The following CWC27 variants were observed in gnomAD, a reference collection of about 807,000 sequenced individuals.
CWC27 encodes the protein spliceosome-associated protein CWC27 homolog.
A neutral mutation model predicts 63.6 loss-of-function variants in CWC27; 47 were observed. The ratio of observed to expected loss-of-function variants is 0.74; its 90% CI spans 0.58 to 0.94. The LOEUF is 0.94. Ranked by LOEUF, CWC27 falls within the 40% of genes least tolerant of loss-of-function variation. CWC27 has a pLI of 0.00. For synonymous variants in CWC27, 175 were observed against 179.8 expected (o/e 0.97, Z 0.22); for missense variants, 495 against 554.3 (o/e 0.89, Z 1.07).
chr5:65,017,124 A>G (rs1750061653), intron 13 of CWC27, among the ~76,000 whole-genome samples: 1 of 152,058 alleles, frequency 6.6e-6, no homozygotes, highest in Non-Finnish European at 1.5e-5. Flanking sequence ...GTTTGAGACC[A>G]GCCTGGCCAG....
chr5:64,984,932 A>G (rs1371055344), intron 13 of CWC27, among the ~76,000 whole-genome samples: 2 of 152,124 alleles, frequency 1.3e-5, no homozygotes, highest in South Asian at 2.1e-4. Flanking sequence ...ACATTTTACA[A>G]TTAGATCTAT....
rs1170127729 is a variant in CWC27, at chr5:65,004,861, CATATATATATATATATATATAT to C, written c.1257-13274_1257-13253del. Among the ~76,000 whole-genome samples, 27 of 45,486 alleles carry C rather than the reference CATATATATATATATATATATAT, an allele frequency of 5.9e-4. 1 individual carries two copies. In the South Asian group the frequency reaches 6.3e-3, roughly 11 times the overall value. 29.8% of individuals were successfully genotyped at this position (45,486 alleles called of 152,430 possible). A position where few individuals can be genotyped will look rare whatever the true frequency, so the allele number is the denominator to read the frequency against. On this transcript the variant is annotated intron_variant, in intron 13 of 13. Transcript: ENST00000381070. ...TGGCCTTCAGAGGGAAAGACTTTTTCATATATATATATATATATATATATATATATATATATATATATATACA... is the reference window on the plus strand; with the variant it reads ...TGGCCTTCAGAGGGAAAGACTTTTTCATATATATATATATATATATATACA...
intron 11 of CWC27, among the ~76,000 whole-genome samples, chr5:64,961,413 T>C (rs1195101590): frequency 1.3e-5 from 2 of 152,136 alleles, no homozygotes; most frequent in Non-Finnish European, 2.9e-5. Flanking sequence ...CATATATATA[T>C]ATATATCTCC....
chr5:65,010,040 A>G (rs1749918091), intron 13 of CWC27, among the ~76,000 whole-genome samples: 1 of 152,228 alleles, frequency 6.6e-6, no homozygotes, highest in African/African-American at 2.4e-5. Flanking sequence ...TTTCTCCAGT[A>G]ATAGTGACTG....
At chr5:64,885,737 G>GTGTGTGTGTT (rs778534933) in intron 11 of CWC27, among the ~76,000 whole-genome samples, 191 bp downstream of exon 11, 58 of 141,510 alleles carry the variant, frequency 4.1e-4, no homozygotes, top group Non-Finnish European at 3.0e-4. Flanking sequence ...GTGTGTGTGT[G>GTGTGTGTGTT]TTTTTAATAC....
At chr5:64,988,954 T>C (rs1221784554) in intron 13 of CWC27, among the ~76,000 whole-genome samples, 1 of 152,156 alleles carries the variant, frequency 6.6e-6, no homozygotes, top group Non-Finnish European at 1.5e-5. Context: ...CAGTTTAGCA[T>C]TGGATTGACA....
chr5:64,800,489 G>A (rs1011505701), intron 8 of CWC27, among the ~76,000 whole-genome samples, 162 bp downstream of exon 8: 4 of 152,192 alleles, frequency 2.6e-5, no homozygotes, highest in African/African-American at 9.6e-5. Flanking sequence ...CTTCAAGCTT[G>A]ATAGAGAGAA....
intron 13 of CWC27, among the ~76,000 whole-genome samples, chr5:64,990,260 T>G (rs1171686001): frequency 3.8e-5 from 3 of 79,162 alleles, no homozygotes; most frequent in South Asian, 4.1e-4. Context: ...TGTTTTTTTT[T>G]TTTTTGTTTT....
At chr5:64,950,189 G>T (rs1336056686) in intron 11 of CWC27, among the ~76,000 whole-genome samples, 3 of 151,686 alleles carry the variant, frequency 2.0e-5, no homozygotes, top group Non-Finnish European at 4.4e-5. Flanking sequence ...TTCTACTTAT[G>T]CCTTACATTA....
chr5:64,796,512 G>C (rs1428320514), intron 7 of CWC27, among the ~76,000 whole-genome samples: 3 of 152,148 alleles, frequency 2.0e-5, no homozygotes, highest in African/African-American at 7.2e-5. Context: ...CAACTGATTA[G>C]ATGGGGCCCA....
At chr5:64,836,576 T>C (rs1745662657) in intron 10 of CWC27, among the ~76,000 whole-genome samples, 1 of 151,928 alleles carries the variant, frequency 6.6e-6, no homozygotes, top group African/African-American at 2.4e-5. Flanking sequence ...GGCAAATCAT[T>C]TTCCTACTTT....
At chr5:64,776,454 T>C (rs1005998012) in intron 2 of CWC27, among the ~76,000 whole-genome samples, 1 of 152,104 alleles carries the variant, frequency 6.6e-6, no homozygotes, top group African/African-American at 2.4e-5. Flanking sequence ...TGGGTGATGA[T>C]AAAACTCAAT....
chr5:64,946,697 C>T (rs1197519024), intron 11 of CWC27, among the ~76,000 whole-genome samples: 4 of 150,830 alleles, frequency 2.7e-5, no homozygotes, highest in Non-Finnish European at 5.9e-5. Flanking sequence ...CCCGTATTAG[C>T]TTTTCCAGTT....
At chr5:64,961,609 G>A (rs1356373013) in intron 11 of CWC27, among the ~76,000 whole-genome samples, 1 of 152,078 alleles carries the variant, frequency 6.6e-6, no homozygotes, top group East Asian at 1.9e-4. Context: ...GGAATGAAAA[G>A]CCTGTATCAT....
chr5:64,944,311 T>C (rs1222312476), intron 11 of CWC27, among the ~76,000 whole-genome samples: 3 of 152,122 alleles, frequency 2.0e-5, no homozygotes. Context: ...CCTTTTCCTG[T>C]TTACTCTTAA....
At chr5:64,925,883 A>G (rs74936595) in intron 11 of CWC27, among the ~76,000 whole-genome samples, 3,501 of 152,138 alleles carry the variant, frequency 0.023, 129 homozygotes, top group African/African-American at 0.081. Flanking sequence ...TTGTGATTCC[A>G]TTGGCCTGAG....
chr5:64,818,911 T>C (rs1048543172), intron 10 of CWC27, among the ~76,000 whole-genome samples: 2 of 152,208 alleles, frequency 1.3e-5, no homozygotes, highest in African/African-American at 4.8e-5. Context: ...CTGTGCTGTA[T>C]AGTATGAAAA....
intron 10 of CWC27, among the ~76,000 whole-genome samples, chr5:64,879,790 C>CA (rs36078879): frequency 0.37 from 50,270 of 136,300 alleles, 8,775 homozygotes; most frequent in East Asian, 0.55. Flanking sequence ...AAATCGGTTG[C>CA]AAAAAAAAAA....
At chr5:64,961,403 C>CAT (rs58567800) in intron 11 of CWC27, among the ~76,000 whole-genome samples, 4,351 of 149,940 alleles carry the variant, frequency 0.029, 59 homozygotes, top group Non-Finnish European at 0.035. Flanking sequence ...CAAGCCCTTT[C>CAT]ATATATATAT....
Sources: gnomAD v4.1 joint callset for allele counts (sites outside exome capture counted in the v4.1 genomes callset) on GRCh38, gnomAD v4.1.1 for gene constraint, MANE v1.5 for transcripts, NCBI Gene and HGNC (gene_info 2026-07-23, HGNC 2026-07-21) for gene names.